Variants in CCNL1 observed in about 807,000 individuals in gnomAD.
The protein encoded by CCNL1 is cyclin-L1.
In CCNL1, 13 loss-of-function variants were observed where a neutral mutation model predicts 60.6. The observed-to-expected ratio is 0.21, with a 90% CI of 0.14 to 0.34. CCNL1 has a LOEUF of 0.34. Among genes scored for constraint, CCNL1 ranks in the 10% least tolerant of loss-of-function variants. The pLI, the probability that CCNL1 is intolerant of heterozygous loss-of-function variation, is 1.00. For synonymous variants in CCNL1, 270 were observed against 244.3 expected, an observed-to-expected ratio of 1.10 and a Z score of -0.98; for missense variants, 481 against 664.3, an observed-to-expected ratio of 0.72 and a Z score of 3.03.
chr3:157,154,654 T>C (rs984511545), intron 3 of CCNL1: 5 of 152,196 alleles, frequency 3.3e-5, no homozygotes, highest in African/African-American at 1.2e-4. Flanking sequence ...TTCCTTACTT[T>C]CTTCCATTTA....
chr3:157,151,671 C>A, intron 5 of CCNL1: 1 of 989,278 alleles, frequency 1.0e-6, no homozygotes, highest in Non-Finnish European at 1.2e-6. Context: ...CAAAAATGAA[C>A]TATTCATTTT....
Position 157,150,349 on chromosome 3 carries a change from A to T in CCNL1, c.707T>A (p.Val236Glu). ...AGTCTCTGGTTGAAATCGAACAAAC[A>T]CATTGGTTCGAAGACTGTCATTCAT... ...NYMNDSLRTNVFVRFQPETIA... is the reference protein window; with the variant it reads ...NYMNDSLRTNEFVRFQPETIA... Residue 236 changes from valine (V) to glutamate (E), a missense_variant, in exon 6 of 11, where the codon GTG (valine) becomes GAG (glutamate). By Grantham distance (121) the Val-to-Glu change is moderately radical. Around this residue, in one of 5 missense-constraint regions of CCNL1, gnomAD observed 75 missense variants for 129.6 expected, o/e 0.58. Coordinates refer to ENST00000295926, the MANE Select transcript of CCNL1 (RefSeq NM_020307.4). The T allele has an allele frequency of 2.5e-6, 4 of 1,613,970 alleles. No homozygotes were observed. Among genetic ancestry groups the T allele is most frequent in the Non-Finnish European group, 3.4e-6 (4 of 1,179,882 alleles).
chr3:157,149,103 C>A, intron 10 of CCNL1, 184 bp downstream of exon 10: 1 of 582,874 alleles, frequency 1.7e-6, no homozygotes, highest in Non-Finnish European at 3.0e-6. Context: ...GAAAATATAA[C>A]AGAATGCCAT....
intron 5 of CCNL1, 86 bp downstream of exon 5, chr3:157,152,091 C>A: frequency 1.3e-6 from 2 of 1,560,522 alleles, no homozygotes; most frequent in South Asian, 2.4e-5. Context: ...AAACTTATCT[C>A]ATTATTTTGG....
chr3:157,156,494 T>TC (rs1329472981), intron 3 of CCNL1, among the ~76,000 whole-genome samples: 1 of 151,914 alleles, frequency 6.6e-6, no homozygotes, highest in African/African-American at 2.4e-5. Flanking sequence ...GAAAAAGCAA[T>TC]CCCCCCTCTA....
chr3:157,149,520 C>T lies in CCNL1; in HGVS notation c.1098G>A (p.Glu366=). The T allele has an allele frequency of 1.2e-6, 2 of 1,614,064 alleles. No individual in the cohort carries two copies. Among genetic ancestry groups the T allele is most frequent in the South Asian group, 2.2e-5 (2 of 91,078 alleles). ...INVKTVKKEP[E]DRQQASKSPY... ...GGCTTTTGGAAGCCTGTTGTCTATC[C>T]TCAGGTTCTTTTTTGACTGTCTTCA... The change falls in exon 9 of 11, where the codon GAG becomes GAA. Residue 366 remains glutamate, a synonymous_variant. Transcript: ENST00000295926.
intron 2 of CCNL1, 169 bp from the exon 3 acceptor site, chr3:157,159,144 A>G: frequency 1.6e-6 from 1 of 630,290 alleles, no homozygotes; most frequent in South Asian, 2.0e-5. Context: ...AACTCATCTT[A>G]ATTTTGGTTC....
downstream of CCNL1, among the ~76,000 whole-genome samples, chr3:157,144,764 C>T (rs73012142): frequency 2.0e-5 from 3 of 152,318 alleles, no homozygotes; most frequent in East Asian, 3.9e-4. Flanking sequence ...TATGTCCATG[C>T]TTTTAACTTC....
At chr3:157,159,345 C>T (rs1356902982) in intron 2 of CCNL1, 60 bp downstream of exon 2, 1 of 1,495,924 alleles carries the variant, frequency 6.7e-7, no homozygotes, top group Non-Finnish European at 9.3e-7. Flanking sequence ...GCTGACACTA[C>T]CCCTACTCTG....
chr3:157,155,020 A>T (rs963511687), intron 3 of CCNL1, among the ~76,000 whole-genome samples: 1 of 152,144 alleles, frequency 6.6e-6, no homozygotes, highest in African/African-American at 2.4e-5. Flanking sequence ...TTTTATCATC[A>T]CAGGAAATTT....
chr3:157,148,958 T>C (rs1363552780), intron 10 of CCNL1: 2 of 333,332 alleles, frequency 6.0e-6, no homozygotes, highest in African/African-American at 4.3e-5. Context: ...GATTATTGGT[T>C]ATTAATAAGG....
chr3:157,149,434 TA>T lies in CCNL1; in HGVS notation c.1133+50del, dbSNP rs754212831. 9.3e-6 allele frequency: 15 copies of T among 1,608,496 alleles called. No individual in the cohort carries two copies. The African/African-American group carries it at 1.7e-4, about 19-fold the overall frequency. On this transcript the variant is annotated intron_variant, in intron 9 of 10. Transcript: ENST00000295926. ...GTTACAAACTTAGTGTGTTAAAAAG[TA>T]AACACATAAAAGATTCCTCAAGCCA... is the stretch of plus-strand genomic sequence containing the variant.
At chr3:157,158,386 T>C (rs568051570) in intron 3 of CCNL1, among the ~76,000 whole-genome samples, 1 of 152,366 alleles carries the variant, frequency 6.6e-6, no homozygotes, top group East Asian at 1.9e-4. Context: ...TAGTTCAATG[T>C]TGAGAAGTAC....
Position 157,160,034 on chromosome 3 carries a change from T to TTGGGGCGGCCGA in CCNL1, c.49_60dup (p.Ala19_Ala22dup), listed in dbSNP as rs1738973342. The TTGGGGCGGCCGA allele has an allele frequency of 3.2e-6, 5 of 1,567,342 alleles. No homozygotes were observed. The highest frequency in any genetic ancestry group is 1.9e-5 in the Admixed American group (1 of 52,466). ...GTCCCGGAGCTGGAGCCGCCCGCGC[T>TTGGGGCGGCCGA]TGGGGCGGCCGATGAGGCGGCTGCG... On this transcript the variant is annotated inframe_insertion, in exon 1 of 11. Transcript: ENST00000295926.
At chr3:157,145,392 C>A (rs1339674987), downstream of CCNL1, among the ~76,000 whole-genome samples, 1 of 123,422 alleles carries the variant, frequency 8.1e-6, no homozygotes, top group African/African-American at 3.1e-5. Flanking sequence ...AACCCGAGAT[C>A]GTGCCACTGC....
chr3:157,159,275 C>T, intron 2 of CCNL1, 130 bp downstream of exon 2: 1 of 787,068 alleles, frequency 1.3e-6, no homozygotes, highest in Non-Finnish European at 2.1e-6. Context: ...CACTTCCTGG[C>T]GAGTGAGAAG....
intron 2 of CCNL1, 30 bp from the exon 3 acceptor site, chr3:157,159,005 T>C (rs764091736): frequency 6.8e-7 from 1 of 1,460,176 alleles, no homozygotes; most frequent in South Asian, 1.2e-5. Flanking sequence ...ACAAAAGCCA[T>C]TGTTAGATTA....
intron 5 of CCNL1, chr3:157,150,890 A>T: frequency 2.0e-6 from 2 of 984,392 alleles, no homozygotes; most frequent in Non-Finnish European, 2.4e-6. Context: ...AAGCTAAGAT[A>T]CTTAGAAAAT....
intron 4 of CCNL1, 86 bp from the exon 5 acceptor site, chr3:157,152,327 T>C: frequency 1.3e-6 from 2 of 1,547,734 alleles, no homozygotes; most frequent in Non-Finnish European, 1.7e-6. Context: ...TTGAAAATGT[T>C]AGACTCAAGT....
Sources: gnomAD v4.1 joint callset for allele counts (sites outside exome capture counted in the v4.1 genomes callset) on GRCh38, gnomAD v4.1.1 for gene constraint, gnomAD v4.1.1 regional missense constraint, MANE v1.5 for transcripts, NCBI Gene and HGNC (gene_info 2026-07-23, HGNC 2026-07-21) for gene names.